PTPRD: variants seen among roughly 807,000 people sequenced by gnomAD.
PTPRD encodes the protein receptor-type tyrosine-protein phosphatase delta.
A neutral mutation model predicts 214.5 loss-of-function variants in PTPRD; 34 were observed. The ratio of observed to expected loss-of-function variants is 0.16; its 90% CI spans 0.12 to 0.21. The LOEUF (loss-of-function observed/expected upper bound fraction) is 0.21. Among genes scored for constraint, PTPRD ranks in the 10% least tolerant of loss-of-function variants. PTPRD has a pLI of 1.00. For missense variants in PTPRD, 2,545 were observed against 2,398.7 expected, an observed-to-expected ratio of 1.06 and a Z score of -1.27; for synonymous variants, 1,128 against 845.7, an observed-to-expected ratio of 1.33 and a Z score of -5.79.
intron 31 of PTPRD, among the ~76,000 whole-genome samples, chr9:8,469,725 G>A (rs928697119): frequency 2.6e-5 from 4 of 152,004 alleles, no homozygotes; most frequent in Admixed American, 2.0e-4. Flanking sequence ...TTGAAATAAT[G>A]TCTCATTTTA....
chr9:9,510,738 C>A (rs767710934), intron 8 of PTPRD, among the ~76,000 whole-genome samples: 1 of 151,372 alleles, frequency 6.6e-6, no homozygotes, highest in South Asian at 2.1e-4. Context: ...TCTCTTCAGG[C>A]ATAATCATGC....
chr9:8,778,268 G>C (rs1200974784), intron 11 of PTPRD, among the ~76,000 whole-genome samples: 1 of 152,150 alleles, frequency 6.6e-6, no homozygotes, highest in Non-Finnish European at 1.5e-5. Context: ...TAGTAATAAA[G>C]ATTATTCCCT....
At chr9:10,467,661 A>C (rs535896202) in intron 2 of PTPRD, among the ~76,000 whole-genome samples, 105 of 152,348 alleles carry the variant, frequency 6.9e-4, no homozygotes, top group African/African-American at 2.4e-3. Flanking sequence ...CATTCCAAAA[A>C]AATGGATGAT....
chr9:8,787,905 C>CCTAG (rs33995771), intron 11 of PTPRD, among the ~76,000 whole-genome samples: 117,618 of 151,702 alleles, frequency 0.78, 46,464 homozygotes, highest in African/African-American at 0.94. Flanking sequence ...CATTTTGCAC[C>CCTAG]CTATCACCTT....
At chr9:9,400,409 T>C (rs1477251591) in intron 8 of PTPRD, among the ~76,000 whole-genome samples, 2 of 145,956 alleles carry the variant, frequency 1.4e-5, no homozygotes, top group Non-Finnish European at 3.0e-5. Context: ...TTTCACATGA[T>C]TGAAAACACC....
At chr9:9,455,218 A>G (rs1478677019) in intron 8 of PTPRD, among the ~76,000 whole-genome samples, 1 of 151,610 alleles carries the variant, frequency 6.6e-6, no homozygotes, top group Non-Finnish European at 1.5e-5. Context: ...TTTAACAGAT[A>G]TATTAGATGA....
At chr9:10,543,039 C>T (rs1229956326) in intron 2 of PTPRD, among the ~76,000 whole-genome samples, 1 of 151,900 alleles carries the variant, frequency 6.6e-6, no homozygotes, top group Non-Finnish European at 1.5e-5. Flanking sequence ...GCGTAATCTA[C>T]CTCAACAGGA....
At chr9:9,719,751 C>T (rs1356658289) in intron 7 of PTPRD, among the ~76,000 whole-genome samples, 1 of 152,216 alleles carries the variant, frequency 6.6e-6, no homozygotes, top group African/African-American at 2.4e-5. Context: ...CATTCGGTAA[C>T]ACCCTCTTTG....
chr9:8,703,554 C>A (rs777235977), intron 12 of PTPRD, among the ~76,000 whole-genome samples: 1 of 152,166 alleles, frequency 6.6e-6, no homozygotes, highest in African/African-American at 2.4e-5. Flanking sequence ...TAGGACACAA[C>A]CTTCCCTGGA....
intron 5 of PTPRD, among the ~76,000 whole-genome samples, chr9:9,795,732 T>C (rs2098997953): frequency 6.6e-6 from 1 of 152,154 alleles, no homozygotes. Flanking sequence ...TACACCTGTG[T>C]ATGAAGTTGC....
At chr9:9,745,936 G>C (rs2098453287) in intron 6 of PTPRD, among the ~76,000 whole-genome samples, 2 of 152,064 alleles carry the variant, frequency 1.3e-5, no homozygotes, top group Non-Finnish European at 2.9e-5. Flanking sequence ...TAAATAAAAT[G>C]GTAGCCCTTC....
intron 11 of PTPRD, among the ~76,000 whole-genome samples, chr9:8,750,936 C>T (rs899052308): frequency 4.6e-5 from 7 of 152,070 alleles, no homozygotes; most frequent in Non-Finnish European, 7.4e-5. Flanking sequence ...AATGCAACCT[C>T]CCCCGACTGC....
intron 31 of PTPRD, 39 bp downstream of exon 31, chr9:8,470,956 A>C (rs2096642108): frequency 1.9e-6 from 3 of 1,561,132 alleles, no homozygotes. Flanking sequence ...AGCAGATTAA[A>C]TAACGAATAA....
chr9:9,395,241 C>T (rs562953311), intron 9 of PTPRD, among the ~76,000 whole-genome samples: 1 of 151,590 alleles, frequency 6.6e-6, no homozygotes, highest in East Asian at 1.9e-4. Context: ...AAAGTGTGAT[C>T]CACAAAGCAG....
At chr9:10,259,183 CG>C (rs1333707181) in intron 3 of PTPRD, among the ~76,000 whole-genome samples, 3 of 147,452 alleles carry the variant, frequency 2.0e-5, no homozygotes, top group Middle Eastern at 6.8e-3. Context: ...CCACCACGCC[CG>C]GCTAATTTTT....
chr9:9,546,637 C>T (rs1295151504), intron 8 of PTPRD, among the ~76,000 whole-genome samples: 1 of 151,634 alleles, frequency 6.6e-6, no homozygotes, highest in African/African-American at 2.4e-5. Flanking sequence ...GGCAGTAATG[C>T]ACAAATTTAA....
intron 10 of PTPRD, among the ~76,000 whole-genome samples, chr9:9,142,198 A>T (rs927375952): frequency 6.6e-6 from 1 of 152,212 alleles, no homozygotes; most frequent in Non-Finnish European, 1.5e-5. Flanking sequence ...GGCAAATCCC[A>T]TAGAAGCCCT....
At chr9:10,015,252 A>ATTGAATT (rs1248788167) in intron 4 of PTPRD, among the ~76,000 whole-genome samples, 71 of 152,306 alleles carry the variant, frequency 4.7e-4, no homozygotes, top group African/African-American at 1.7e-3. Flanking sequence ...AATGCCGCTA[A>ATTGAATT]TTGAATTTTT....
intron 12 of PTPRD, among the ~76,000 whole-genome samples, chr9:8,670,145 C>T (rs900101105): frequency 6.6e-6 from 1 of 151,936 alleles, no homozygotes; most frequent in African/African-American, 2.4e-5. Context: ...TTGACTTGGG[C>T]AGGAGGAAAA....
Sources: allele counts gnomAD v4.1 joint callset (sites outside exome capture counted in the v4.1 genomes callset), GRCh38; gene constraint gnomAD v4.1.1; transcripts MANE v1.5; gene names NCBI Gene and HGNC (gene_info 2026-07-23, HGNC 2026-07-21).